The following SLC27A4 variants were observed in gnomAD, a reference collection of about 807,000 sequenced individuals.
SLC27A4 encodes solute carrier family 27 member 4, also known as long-chain fatty acid transport protein 4.
Under a neutral mutation model 64.4 loss-of-function variants are expected in SLC27A4, and 33 were observed. The ratio of observed to expected loss-of-function variants is 0.51; its 90% CI spans 0.39 to 0.68. The LOEUF is 0.68. Ranked by LOEUF, SLC27A4 falls within the 30% of genes least tolerant of loss-of-function variation. The pLI is 0.00. For missense variants in SLC27A4, 824 were observed against 883.5 expected (o/e 0.93, Z 0.85); for synonymous variants, 377 against 370.0 (o/e 1.02, Z -0.22).
rs768263866 is a variant in SLC27A4 at position 128,343,215 on chromosome 9, C to T, written c.83C>T (p.Ser28Phe). The T allele has an allele frequency of 6.2e-7, 1 of 1,614,180 alleles. No individual in the cohort carries two copies. Among genetic ancestry groups the T allele is most frequent in the East Asian group, 2.2e-5 (1 of 44,886 alleles). The change falls in exon 2 of 13, where the codon TCC becomes TTC. Residue 28 changes from serine to phenylalanine, a missense_variant. Physicochemically the swap from Ser to Phe is radical, Grantham distance 155. Coordinates refer to ENST00000300456, the MANE Select transcript of SLC27A4 (RefSeq NM_005094.4). ...CTGCCCTGGACCCAGGTGGGATTCT[C>T]CCTGTTGTTCCTCTACTTGGGATCT... ...LKLPWTQVGFSLLFLYLGSGG... is the reference protein window; with the variant it reads ...LKLPWTQVGFFLLFLYLGSGG...
intron 3 of SLC27A4, among the ~76,000 whole-genome samples, chr9:128,347,988 G>T (rs1285802526): frequency 1.3e-5 from 2 of 152,180 alleles, no homozygotes; most frequent in South Asian, 2.1e-4. Flanking sequence ...AAGCCAGGAA[G>T]GTGGGGCCAA....
In SLC27A4 at chr9:128,352,712, C is replaced by T. The variant is rs374003386; in HGVS notation, c.952C>T (p.Arg318Trp). 132 of 1,614,036 alleles carry T rather than the reference C, an allele frequency of 8.2e-5. No homozygotes were observed. In the Admixed American group the frequency reaches 9.5e-4, roughly 12 times the overall value. The change falls in exon 7 of 13, where the codon CGG becomes TGG. Residue 318 changes from arginine (R) to tryptophan (W), a missense_variant. Transcript: ENST00000300456. ...VVIRKKFSAS[R>W]FWDDCIKYNC... ...GATTCGGAAGAAGTTCTCAGCCTCC[C>T]GGTTCTGGGACGATTGTATCAAGTA...
At position 128,355,515 on chromosome 9, in the gene SLC27A4, G is replaced by T; in HGVS notation, c.1580G>T (p.Arg527Leu). The change falls in exon 11 of 13, where the codon CGC (arginine) becomes CTC (leucine). Residue 527 changes from arginine to leucine, a missense_variant. Arg to Leu is a moderately radical substitution (Grantham distance 102). Transcript: ENST00000300456. ...ACCGAGGTGGAAGGCACACTCAGCC[G>T]CCTGCTGGACATGGCTGACGTGGCC... ...STTEVEGTLS[R>L]LLDMADVAVY... is the part of the protein sequence containing the mutation. 1 of 1,613,080 alleles carries T rather than the reference G, an allele frequency of 6.2e-7. No homozygotes were observed.
At chr9:128,348,799 C>T in intron 4 of SLC27A4, 96 bp downstream of exon 4, 2 of 1,306,092 alleles carry the variant, frequency 1.5e-6, no homozygotes, top group Middle Eastern at 1.8e-4. Flanking sequence ...GGAAACTTGC[C>T]ATGTGCCTGG....
chr9:128,347,900 G>A (rs1448492648), intron 3 of SLC27A4, among the ~76,000 whole-genome samples: 5 of 151,452 alleles, frequency 3.3e-5, no homozygotes, highest in African/African-American at 1.2e-4. Flanking sequence ...AAAAAGAAAG[G>A]AAAGAAAAAA....
At chr9:128,352,988 C>A in intron 7 of SLC27A4, 37 bp from the exon 8 acceptor site, 1 of 1,557,666 alleles carries the variant, frequency 6.4e-7, no homozygotes, top group South Asian at 1.1e-5. Context: ...GTGAGGGCAG[C>A]CTCTGGAGCC....
rs1414198942 is a variant in SLC27A4, at chr9:128,352,749, TGAGCGA to T, written c.987+8_987+13del. 1 of 1,607,452 alleles carries T rather than the reference TGAGCGA, an allele frequency of 6.2e-7. No individual in the cohort carries two copies. The highest frequency in any genetic ancestry group is 8.5e-7 in the Non-Finnish European group (1 of 1,174,046). On this transcript the variant is annotated splice_donor_5th_base_variant and intron_variant, in intron 7 of 12. Coordinates refer to ENST00000300456, the MANE Select transcript of SLC27A4 (RefSeq NM_005094.4). The stretch of plus-strand genomic sequence containing the variant: ...GATTGTATCAAGTACAACTGCACGG[TGAGCGA>T]GAGCGGGAAGGGTGAGCTGTCCCTT...
intron 12 of SLC27A4, among the ~76,000 whole-genome samples, chr9:128,359,684 A>T (rs1409156811): frequency 6.6e-6 from 1 of 152,192 alleles, no homozygotes; most frequent in Non-Finnish European, 1.5e-5. Context: ...GCACACCTAT[A>T]GTCCTGGCTA....
Position 128,355,428 on chromosome 9 carries a change from A to G in SLC27A4, c.1493A>G (p.Tyr498Cys). Residue 498 changes from tyrosine to cysteine, a missense_variant, in exon 11 of 13, where the codon TAC becomes TGC. Tyr to Cys is a radical substitution (Grantham distance 194, BLOSUM62 -2). Transcript: ENST00000300456. ...GTGCTGGTGATGGACGAGCTGGGCT[A>G]CCTGTACTTCCGAGACCGCACTGGG... is the stretch of plus-strand genomic sequence containing the variant. ...GDVLVMDELG[Y>C]LYFRDRTGDT... 1 of 1,613,632 alleles carries G rather than the reference A, an allele frequency of 6.2e-7. No homozygotes were observed. The highest frequency in any genetic ancestry group is 8.5e-7 in the Non-Finnish European group (1 of 1,180,000).
Position 128,355,380 on chromosome 9 carries a change from C to T in SLC27A4, c.1463-18C>T, listed in dbSNP as rs754975219. On this transcript the variant is annotated intron_variant, in intron 10 of 12. Coordinates refer to ENST00000300456, the MANE Select transcript of SLC27A4 (RefSeq NM_005094.4). ...GAGCTGGCCAGGCCCAGCCCTGCCT[C>T]ATCCGGCCCCTCCCTAGGTGATGTG... The T allele has an allele frequency of 5.0e-6, 8 of 1,613,230 alleles. No homozygotes were observed. Among genetic ancestry groups the T allele is most frequent in the Admixed American group, 1.7e-5 (1 of 59,980 alleles).
chr9:128,354,949 G>A (rs888002835), intron 9 of SLC27A4, 104 bp from the exon 10 acceptor site: 44 of 1,121,682 alleles, frequency 3.9e-5, no homozygotes, highest in African/African-American at 1.1e-4. Context: ...GCAAAACTCC[G>A]TCTCAAAAAA....
At position 128,352,654 on chromosome 9, in the gene SLC27A4, C is replaced by T. The variant is rs140588587; in HGVS notation, c.894C>T (p.Ile298=). 1.2e-5 allele frequency: 20 copies of T among 1,613,810 alleles called. No individual in the cohort carries two copies. The highest frequency in any genetic ancestry group is 4.4e-5 in the South Asian group (4 of 91,072). ...LYHSAGNIVG[I]GQCLLHGMTV... is the part of the protein sequence containing the mutation. Reference sequence around the variant, plus strand: ...TGCCTCCAGGAAACATCGTGGGAATCGGCCAGTGCCTGCTGCATGGCATGA... The same window carrying T: ...TGCCTCCAGGAAACATCGTGGGAATTGGCCAGTGCCTGCTGCATGGCATGA... The change falls in exon 7 of 13, where the codon ATC becomes ATT. Residue 298 remains isoleucine, a synonymous_variant. Transcript: ENST00000300456.
chr9:128,355,316 G>T, intron 10 of SLC27A4, 82 bp from the exon 11 acceptor site: 1 of 1,604,290 alleles, frequency 6.2e-7, no homozygotes, highest in Non-Finnish European at 8.5e-7. Context: ...CAAATCCTTG[G>T]GCTCCAGCAA....
At chr9:128,346,378 C>T (rs1246497592) in intron 3 of SLC27A4, among the ~76,000 whole-genome samples, 3 of 151,892 alleles carry the variant, frequency 2.0e-5, no homozygotes, top group Non-Finnish European at 2.9e-5. Context: ...AGATTACAGG[C>T]ACCCGCCACC....
chr9:128,355,898 C>T, intron 12 of SLC27A4, 102 bp downstream of exon 12: 3 of 1,517,670 alleles, frequency 2.0e-6, no homozygotes, highest in Non-Finnish European at 2.7e-6. Context: ...CACAGCCTGG[C>T]CGGGCAGTTG....
chr9:128,354,334 T>C (rs1832784612), intron 9 of SLC27A4, among the ~76,000 whole-genome samples: 1 of 152,168 alleles, frequency 6.6e-6, no homozygotes, highest in African/African-American at 2.4e-5. Context: ...CTCTGTGTCA[T>C]GGGCGAGTAT....
At chr9:128,343,395 G>A in intron 2 of SLC27A4, 102 bp downstream of exon 2, 1 of 1,398,962 alleles carries the variant, frequency 7.1e-7, no homozygotes, top group South Asian at 1.2e-5. Context: ...TACCAGCACA[G>A]GGCAGCTGAG....
At chr9:128,350,628 C>T in intron 6 of SLC27A4, 53 bp downstream of exon 6, 1 of 1,359,604 alleles carries the variant, frequency 7.4e-7, no homozygotes, top group South Asian at 1.2e-5. Flanking sequence ...CTCTAGGAAC[C>T]CCACCCCCAT....
rs1389292874 is a variant in SLC27A4 at position 128,353,744 on chromosome 9, T to A, written c.1324+203T>A. Among the ~76,000 whole-genome samples, 2 of 137,986 alleles carry A rather than the reference T, an allele frequency of 1.4e-5. No homozygotes were observed. Among genetic ancestry groups the A allele is most frequent in the South Asian group, 2.3e-4 (1 of 4,418 alleles). 90.5% of individuals were successfully genotyped at this position (137,986 alleles called of 152,430 possible). ...TGTACATCAGTCCATTCATTCATTC[T>A]TTTTTTTTTTTTTATTTGAGACGGA... On this transcript the variant is annotated intron_variant, in intron 9 of 12. Transcript: ENST00000300456. This position sits in a 1 kb window ranked among gnomAD's most constrained non-coding sequence, Gnocchi z 4.9.
Sources: gnomAD v4.1 joint callset for allele counts (sites outside exome capture counted in the v4.1 genomes callset) on GRCh38, gnomAD v4.1.1 for gene constraint, Gnocchi (gnomAD v3.1) non-coding constraint, MANE v1.5 for transcripts, NCBI Gene and HGNC (gene_info 2026-07-23, HGNC 2026-07-21) for gene names.